The following SCD5 variants were observed in gnomAD, a reference collection of about 807,000 sequenced individuals.
The protein encoded by SCD5 is acyl-CoA-desaturase 4.
A neutral mutation model predicts 30.4 loss-of-function variants in SCD5; 20 were observed. The ratio of observed to expected loss-of-function variants is 0.66; its 90% CI spans 0.46 to 0.96. The LOEUF (loss-of-function observed/expected upper bound fraction) is 0.96, where lower values mean the gene tolerates loss of function less well. SCD5 is among the 40% of genes least tolerant of loss of function. The pLI is 0.00. For missense variants in SCD5, 381 were observed against 443.3 expected (o/e 0.86, Z 1.26); for synonymous variants, 173 against 176.4 (o/e 0.98, Z 0.16).
At chr4:82,794,851 C>G (rs991660424) in intron 1 of SCD5, among the ~76,000 whole-genome samples, 1 of 152,026 alleles carries the variant, frequency 6.6e-6, no homozygotes, top group African/African-American at 2.4e-5. Context: ...TGGGGTTTCA[C>G]CGTGTTAGCG....
intron 1 of SCD5, among the ~76,000 whole-genome samples, chr4:82,735,963 C>T (rs1386217353): frequency 6.6e-6 from 1 of 152,162 alleles, no homozygotes; most frequent in Non-Finnish European, 1.5e-5. Flanking sequence ...TTTATATCAG[C>T]CTTTCTATTT....
At chr4:82,794,004 A>G (rs1722155408) in intron 1 of SCD5, among the ~76,000 whole-genome samples, 1 of 152,198 alleles carries the variant, frequency 6.6e-6, no homozygotes, top group African/African-American at 2.4e-5. Flanking sequence ...CCGATGCCCA[A>G]CGGAAGACAG....
At chr4:82,755,796 T>C (rs1006906134) in intron 1 of SCD5, among the ~76,000 whole-genome samples, 1 of 152,206 alleles carries the variant, frequency 6.6e-6, no homozygotes, top group Non-Finnish European at 1.5e-5. Context: ...TGATGACAAG[T>C]CTTCAAATGC....
chr4:82,725,552 G>A (rs1050392036), intron 1 of SCD5, among the ~76,000 whole-genome samples: 9 of 131,658 alleles, frequency 6.8e-5, no homozygotes, highest in African/African-American at 1.7e-4. Context: ...ATTCTAAAAC[G>A]TGATTCCTTT....
At chr4:82,745,116 G>C (rs1720953389) in intron 1 of SCD5, among the ~76,000 whole-genome samples, 1 of 152,120 alleles carries the variant, frequency 6.6e-6, no homozygotes. Flanking sequence ...AAGAAATCTT[G>C]CAAGCTATCC....
chr4:82,698,182 C>T, intron 2 of SCD5: 1 of 454,014 alleles, frequency 2.2e-6, no homozygotes, highest in Admixed American at 2.4e-5. Context: ...GCATCTGAAG[C>T]TTAGGCTCAT....
At position 82,734,418 on chromosome 4, in the gene SCD5, A is replaced by G. The variant is rs561183977; in HGVS notation, c.233-29005T>C. Among the ~76,000 whole-genome samples, 3 of 152,288 alleles carry G rather than the reference A, an allele frequency of 2.0e-5. No homozygotes were observed. In the Middle Eastern group the frequency reaches 0.01, roughly 518 times the overall value. ...TCCACTCAAAGCTCTTGGTAATCACACTTTTCCTCTACGTATAATCGAGGA... is the reference window on the plus strand; with the variant it reads ...TCCACTCAAAGCTCTTGGTAATCACGCTTTTCCTCTACGTATAATCGAGGA... On this transcript the variant is annotated intron_variant, in intron 1 of 4. Coordinates refer to ENST00000319540, the MANE Select transcript of SCD5 (RefSeq NM_001037582.3).
chr4:82,704,220 A>G (rs901687208), intron 2 of SCD5, among the ~76,000 whole-genome samples: 1 of 152,202 alleles, frequency 6.6e-6, no homozygotes, highest in Non-Finnish European at 1.5e-5. Context: ...GTCTCGTAGG[A>G]GTGGAAGGCC....
chr4:82,721,211 T>C (rs913508950), intron 1 of SCD5, among the ~76,000 whole-genome samples: 4 of 152,102 alleles, frequency 2.6e-5, no homozygotes, highest in Non-Finnish European at 4.4e-5. Context: ...CTCAAAGGAC[T>C]GCCCCGTTTC....
At chr4:82,750,577 G>T (rs888852329) in intron 1 of SCD5, among the ~76,000 whole-genome samples, 5 of 152,162 alleles carry the variant, frequency 3.3e-5, no homozygotes, top group African/African-American at 1.2e-4. Flanking sequence ...AAGCCATGGA[G>T]AGTCTTTTGA....
intron 2 of SCD5, among the ~76,000 whole-genome samples, chr4:82,682,854 C>A (rs564896523): frequency 6.6e-6 from 1 of 152,138 alleles, no homozygotes; most frequent in South Asian, 2.1e-4. Flanking sequence ...CTTGCTCTGT[C>A]GCCCAGGCTG....
At chr4:82,786,538 G>A (rs1374255794) in intron 1 of SCD5, among the ~76,000 whole-genome samples, 1 of 152,112 alleles carries the variant, frequency 6.6e-6, no homozygotes, top group Admixed American at 6.6e-5. Context: ...AGTGGCTCAT[G>A]CTTGTAATGC....
At chr4:82,655,823 T>C (rs955673404) in intron 3 of SCD5, among the ~76,000 whole-genome samples, 2 of 152,188 alleles carry the variant, frequency 1.3e-5, no homozygotes, top group Non-Finnish European at 1.5e-5. Flanking sequence ...TTTGCTAATG[T>C]TGGTGAAGGC....
chr4:82,766,779 T>C (rs1249829546), intron 1 of SCD5, among the ~76,000 whole-genome samples: 1 of 152,194 alleles, frequency 6.6e-6, no homozygotes, highest in Non-Finnish European at 1.5e-5. Context: ...TCAAGGCTTA[T>C]TTTAAAAGTT....
At chr4:82,776,308 T>C (rs1721743268) in intron 1 of SCD5, among the ~76,000 whole-genome samples, 1 of 152,198 alleles carries the variant, frequency 6.6e-6, no homozygotes, top group African/African-American at 2.4e-5. Context: ...ACCTTAACTC[T>C]TTTGCAATCA....
At chr4:82,752,335 G>T (rs1484303782) in intron 1 of SCD5, among the ~76,000 whole-genome samples, 3 of 151,558 alleles carry the variant, frequency 2.0e-5, no homozygotes, top group Non-Finnish European at 1.5e-5. Context: ...TGGTGTCTGT[G>T]GCTCTTAGTG....
At chr4:82,658,046 G>A (rs1323838133) in intron 3 of SCD5, among the ~76,000 whole-genome samples, 1 of 152,196 alleles carries the variant, frequency 6.6e-6, no homozygotes, top group Non-Finnish European at 1.5e-5. Context: ...TGCAAACAGA[G>A]ACAATTTGAC....
At chr4:82,781,799 C>G (rs1265373943) in intron 1 of SCD5, among the ~76,000 whole-genome samples, 1 of 152,178 alleles carries the variant, frequency 6.6e-6, no homozygotes, top group African/African-American at 2.4e-5. Flanking sequence ...CTTGGACTTC[C>G]CACCTTCCAG....
At chr4:82,671,181 A>G (rs780315470) in intron 3 of SCD5, among the ~76,000 whole-genome samples, 6 of 152,204 alleles carry the variant, frequency 3.9e-5, no homozygotes, top group Non-Finnish European at 7.3e-5. Context: ...TTAATTCTCC[A>G]AGAAGACATA....
Sources: gnomAD v4.1 joint callset for allele counts (sites outside exome capture counted in the v4.1 genomes callset) on GRCh38, gnomAD v4.1.1 for gene constraint, MANE v1.5 for transcripts, NCBI Gene and HGNC (gene_info 2026-07-23, HGNC 2026-07-21) for gene names.